The following WNK2 variants were observed in gnomAD, a reference collection of about 807,000 sequenced individuals.
WNK2 encodes WNK lysine deficient protein kinase 2.
A neutral mutation model predicts 192.1 loss-of-function variants in WNK2; 67 were observed. That is an observed-to-expected ratio of 0.35 (90% CI 0.29 to 0.43). WNK2 has a LOEUF of 0.43. WNK2 is among the 20% of genes least tolerant of loss of function. The pLI is 1.00. For synonymous variants in WNK2, 1,439 were observed against 1,393.9 expected, an observed-to-expected ratio of 1.03 and a Z score of -0.72; for missense variants, 2,698 against 3,089.7, an observed-to-expected ratio of 0.87 and a Z score of 3.01.
At chr9:93,254,788 A>C (rs1334807547) in intron 9 of WNK2, among the ~76,000 whole-genome samples, 2 of 151,978 alleles carry the variant, frequency 1.3e-5, no homozygotes, top group Non-Finnish European at 2.9e-5. Flanking sequence ...AAAAAGCAAG[A>C]CCCTGTCTCT....
intron 26 of WNK2, 155 bp from the exon 27 acceptor site, chr9:93,306,622 C>T (rs544101982): frequency 1.3e-5 from 12 of 938,642 alleles, no homozygotes; most frequent in East Asian, 2.4e-5. Context: ...GGGGCTGCCC[C>T]GTTTCCCCCG....
At chr9:93,314,565 A>T (rs1449671110) in intron 28 of WNK2, among the ~76,000 whole-genome samples, 1 of 152,070 alleles carries the variant, frequency 6.6e-6, no homozygotes, top group African/African-American at 2.4e-5. Context: ...ATAAGCAATG[A>T]TGCCAGCCAT....
At chr9:93,318,407 G>A (rs2134489794) in intron 29 of WNK2, 2 of 1,613,992 alleles carry the variant, frequency 1.2e-6, no homozygotes, top group East Asian at 2.2e-5. Flanking sequence ...CTCATCCAGG[G>A]GCTGAGAGAC....
intron 28 of WNK2, among the ~76,000 whole-genome samples, chr9:93,314,766 C>G (rs1276976180): frequency 6.6e-6 from 1 of 152,090 alleles, no homozygotes; most frequent in Non-Finnish European, 1.5e-5. Context: ...GGAGCCAAAT[C>G]AGGACTGTAG....
intron 5 of WNK2, 36 bp from the exon 6 acceptor site, chr9:93,238,197 C>T (rs752367779): frequency 1.7e-5 from 28 of 1,605,030 alleles, no homozygotes; most frequent in Middle Eastern, 1.7e-4. Context: ...TTCCGGCAGC[C>T]GATCGGGTCA....
At chr9:93,218,023 T>TGGGG (rs1438794695) in intron 2 of WNK2, among the ~76,000 whole-genome samples, 1 of 71,264 alleles carries the variant, frequency 1.4e-5, no homozygotes, top group Non-Finnish European at 2.7e-5. Context: ...TTTCCCTACG[T>TGGGG]TGGGGGGGTG....
intron 2 of WNK2, among the ~76,000 whole-genome samples, chr9:93,192,818 C>T (rs955758149): frequency 3.3e-5 from 5 of 152,210 alleles, no homozygotes; most frequent in African/African-American, 4.8e-5. Context: ...CATGAGTCCA[C>T]GGTTTGGGTG....
chr9:93,241,557 A>C (rs913180498), intron 7 of WNK2, among the ~76,000 whole-genome samples: 3 of 152,036 alleles, frequency 2.0e-5, no homozygotes, highest in African/African-American at 7.3e-5. Context: ...GCTGGGTCTC[A>C]GTAAAAAGAA....
Position 93,261,891 on chromosome 9 carries a change from G to C in WNK2, c.3144G>C (p.Ala1048=). The change falls in exon 13 of 30, where the codon GCG becomes GCC. Residue 1048 remains alanine, a synonymous_variant. Coordinates refer to ENST00000427277, the MANE Select transcript of WNK2 (RefSeq NM_006648.4). ...CCACCGTGCCTGTGCCACCGGCTGCGGTCCTCTCGCCGCCTCTGCCGGAAG... is the reference window on the plus strand; with the variant it reads ...CCACCGTGCCTGTGCCACCGGCTGCCGTCCTCTCGCCGCCTCTGCCGGAAG... ...QVPTVPVPPA[A]VLSPPLPEVL... The C allele has an allele frequency of 6.2e-7, 1 of 1,603,490 alleles. No homozygotes were observed. The highest frequency in any genetic ancestry group is 1.3e-5 in the African/African-American group (1 of 74,998).
rs763842581 is a variant in WNK2 at position 93,185,478 on chromosome 9, C to G, written c.549C>G (p.Leu183=). Residue 183 remains leucine, a synonymous_variant, in exon 2 of 30, where the codon CTC becomes CTG. Transcript: ENST00000427277. The part of the protein sequence containing the change: ...PEEEEDDEDD[L]KAVATSLDGR... ...AGGAGGAGGACGACGAGGACGACCT[C>G]AAGGCCGTGGCCACCTCTCTGGACG... 3 of 1,612,670 alleles carry G rather than the reference C, an allele frequency of 1.9e-6. No individual in the cohort carries two copies. In the African/African-American group the frequency reaches 4.0e-5, roughly 22 times the overall value.
chr9:93,247,512 A>G lies in WNK2; in HGVS notation c.1543-31A>G. On this transcript the variant is annotated intron_variant, in intron 7 of 29. Transcript: ENST00000427277. This position sits in a 1 kb window ranked among gnomAD's most constrained non-coding sequence, Gnocchi z 5.2. ...TGTGGGCCGGTGAGGGCTGATCCCC[A>G]GCGATGCTGACAACATGACTGCCTT... 6.3e-7 allele frequency: 1 copy of G among 1,598,982 alleles called. No homozygotes were observed. Among genetic ancestry groups the G allele is most frequent in the Non-Finnish European group, 8.5e-7 (1 of 1,173,034 alleles).
At chr9:93,284,568 T>A (rs1286743655) in intron 19 of WNK2, among the ~76,000 whole-genome samples, 1 of 145,392 alleles carries the variant, frequency 6.9e-6, no homozygotes, top group African/African-American at 2.6e-5. Flanking sequence ...GCACTTCTAT[T>A]AAGTATCCTG....
chr9:93,203,189 T>A (rs1402730904), intron 2 of WNK2, among the ~76,000 whole-genome samples: 1 of 152,114 alleles, frequency 6.6e-6, no homozygotes, highest in Non-Finnish European at 1.5e-5. Context: ...GAACCCCAAG[T>A]ACCCTTTGCT....
At chr9:93,263,082 G>A (rs1204447965) in intron 14 of WNK2, among the ~76,000 whole-genome samples, 1 of 152,228 alleles carries the variant, frequency 6.6e-6, no homozygotes, top group African/African-American at 2.4e-5. Context: ...CCCGATCCTG[G>A]GTTTCCTGGC....
rs1278394717 is a variant in WNK2, at chr9:93,306,128, C to A, written c.6215-649C>A. ...AGGCCAGAAATGTTCCAGGCTGAGG[C>A]CTTGCCCTACCCCTTGTGGATACTG... On this transcript the variant is annotated intron_variant, in intron 26 of 29. Transcript: ENST00000427277. 2.0e-5 allele frequency among the ~76,000 whole-genome samples: 3 copies of A among 152,190 alleles called. No individual in the cohort carries two copies. In the East Asian group the frequency reaches 5.8e-4, roughly 29 times the overall value.
At chr9:93,211,457 C>T (rs1376670920) in intron 2 of WNK2, among the ~76,000 whole-genome samples, 2 of 151,120 alleles carry the variant, frequency 1.3e-5, no homozygotes, top group Non-Finnish European at 3.0e-5. Flanking sequence ...CTCACCCACC[C>T]ACTCATTCAC....
At chr9:93,189,833 A>G (rs1830007780) in intron 2 of WNK2, among the ~76,000 whole-genome samples, 2 of 152,186 alleles carry the variant, frequency 1.3e-5, no homozygotes, top group Non-Finnish European at 2.9e-5. Flanking sequence ...CTTTGCCCCG[A>G]TGGCCTCTCG....
intron 2 of WNK2, among the ~76,000 whole-genome samples, chr9:93,203,804 G>A (rs1263597940): frequency 6.6e-6 from 1 of 152,194 alleles, no homozygotes; most frequent in Non-Finnish European, 1.5e-5. Flanking sequence ...TACAGGTGGT[G>A]TTGGAAGCCC....
At chr9:93,316,044 T>G (rs1854606870) in intron 28 of WNK2, 1 of 152,242 alleles carries the variant, frequency 6.6e-6, no homozygotes, top group African/African-American at 2.4e-5. Flanking sequence ...TTCCAGCCCC[T>G]TCCTCTCCAT....
Sources: gnomAD v4.1 joint callset for allele counts (sites outside exome capture counted in the v4.1 genomes callset) on GRCh38, gnomAD v4.1.1 for gene constraint, Gnocchi (gnomAD v3.1) non-coding constraint, MANE v1.5 for transcripts, NCBI Gene and HGNC (gene_info 2026-07-23, HGNC 2026-07-21) for gene names.